TSPAN5: variants seen among roughly 807,000 people sequenced by gnomAD.
TSPAN5 encodes tetraspanin-5.
In TSPAN5, 10 loss-of-function variants were observed where a neutral mutation model predicts 37.1. The observed-to-expected ratio is 0.27, with a 90% confidence interval of 0.17 to 0.46. The LOEUF (loss-of-function observed/expected upper bound fraction) is 0.46. Ranked by LOEUF, TSPAN5 falls within the 20% of genes least tolerant of loss-of-function variation. TSPAN5 has a pLI of 1.00. For missense variants in TSPAN5, 195 were observed against 326.6 expected (o/e 0.60, Z 3.11); for synonymous variants, 110 against 118.9 (o/e 0.93, Z 0.48).
chr4:98,524,800 T>C (rs1482865524), intron 1 of TSPAN5, among the ~76,000 whole-genome samples: 2 of 152,152 alleles, frequency 1.3e-5, no homozygotes, highest in Admixed American at 6.6e-5. Context: ...TGACTATGAA[T>C]AGATTTACTG....
At chr4:98,510,824 A>T (rs1267158056) in intron 1 of TSPAN5, among the ~76,000 whole-genome samples, 3 of 152,234 alleles carry the variant, frequency 2.0e-5, no homozygotes, top group Admixed American at 6.5e-5. Flanking sequence ...CCTCAACTTG[A>T]TACATACCTT....
At chr4:98,550,645 G>C (rs914413025) in intron 1 of TSPAN5, among the ~76,000 whole-genome samples, 1 of 148,066 alleles carries the variant, frequency 6.8e-6, no homozygotes. Context: ...TTATAAATGG[G>C]GTTGACTTTT....
intron 1 of TSPAN5, among the ~76,000 whole-genome samples, chr4:98,634,529 G>A (rs1192124414): frequency 6.6e-6 from 1 of 152,116 alleles, no homozygotes; most frequent in Non-Finnish European, 1.5e-5. Flanking sequence ...ATCAAATGTG[G>A]TTTACTTTGC....
chr4:98,657,499 TC>T (rs1257159536), intron 1 of TSPAN5: 1 of 152,818 alleles, frequency 6.5e-6, no homozygotes, highest in Non-Finnish European at 1.5e-5. Flanking sequence ...TACAAATAAA[TC>T]CCTCTACCCC....
intron 1 of TSPAN5, among the ~76,000 whole-genome samples, chr4:98,553,953 G>A (rs1056290896): frequency 1.3e-5 from 2 of 152,082 alleles, no homozygotes; most frequent in Admixed American, 1.3e-4. Flanking sequence ...TGTAATCCCA[G>A]CTACTCAGGA....
chr4:98,539,971 C>A (rs563118608), intron 1 of TSPAN5, among the ~76,000 whole-genome samples: 153 of 152,230 alleles, frequency 1.0e-3, no homozygotes, highest in African/African-American at 2.8e-3. Context: ...AAGTCTCCTG[C>A]CAACACTCAC....
intron 1 of TSPAN5, among the ~76,000 whole-genome samples, chr4:98,644,741 T>C (rs1404897326): frequency 2.0e-5 from 3 of 152,182 alleles, no homozygotes; most frequent in Non-Finnish European, 4.4e-5. Context: ...ATACAGTTCC[T>C]AAGCATTTAA....
chr4:98,508,048 T>A (rs1007795111), intron 1 of TSPAN5, among the ~76,000 whole-genome samples: 1 of 152,110 alleles, frequency 6.6e-6, no homozygotes, highest in East Asian at 1.9e-4. Flanking sequence ...GGAAACGGAT[T>A]CCCCATGGAT....
intron 5 of TSPAN5, among the ~76,000 whole-genome samples, chr4:98,477,557 G>A (rs149525476): frequency 8.5e-5 from 13 of 152,266 alleles, no homozygotes; most frequent in African/African-American, 2.9e-4. Context: ...GAGACTGCAG[G>A]GCCAGAGAAC....
chr4:98,491,355 A>G (rs55924032), intron 2 of TSPAN5, among the ~76,000 whole-genome samples: 43,550 of 151,854 alleles, frequency 0.29, 6,275 homozygotes, highest in East Asian at 0.38. Flanking sequence ...CTAGCAGGAG[A>G]AAAAAAACAG....
At chr4:98,623,200 G>C (rs1275827109) in intron 1 of TSPAN5, among the ~76,000 whole-genome samples, 3 of 152,094 alleles carry the variant, frequency 2.0e-5, no homozygotes, top group Admixed American at 6.5e-5. Flanking sequence ...TTTCAGACTG[G>C]ACATCAAACC....
At chr4:98,648,203 G>A (rs1044961405) in intron 1 of TSPAN5, among the ~76,000 whole-genome samples, 20 of 152,194 alleles carry the variant, frequency 1.3e-4, no homozygotes, top group African/African-American at 4.6e-4. Context: ...CATTACAGCA[G>A]AGGGAATTCA....
chr4:98,636,852 T>C (rs1419991065), intron 1 of TSPAN5, among the ~76,000 whole-genome samples: 1 of 152,238 alleles, frequency 6.6e-6, no homozygotes, highest in Non-Finnish European at 1.5e-5. Context: ...AATGGTTTAC[T>C]TGGCTTCACA....
At chr4:98,539,167 T>C (rs1209994077) in intron 1 of TSPAN5, among the ~76,000 whole-genome samples, 1 of 152,070 alleles carries the variant, frequency 6.6e-6, no homozygotes, top group Non-Finnish European at 1.5e-5. Flanking sequence ...CCAAAAAACC[T>C]TTTATGTTAC....
chr4:98,479,369 T>C (rs1418429940), intron 4 of TSPAN5, among the ~76,000 whole-genome samples: 1 of 152,156 alleles, frequency 6.6e-6, no homozygotes, highest in Non-Finnish European at 1.5e-5. Context: ...AAATACAAAA[T>C]TGCATGCAGG....
Position 98,476,208 on chromosome 4 carries a change from A to G in TSPAN5, c.722T>C (p.Ile241Thr). The G allele has an allele frequency of 1.2e-6, 2 of 1,614,112 alleles. No individual in the cohort carries two copies. The highest frequency in any genetic ancestry group is 8.5e-7 in the Non-Finnish European group (1 of 1,179,932). Residue 241 changes from isoleucine (I) to threonine (T), a missense_variant, in exon 7 of 8, where the codon ATA becomes ACA. By Grantham distance (89) the Ile-to-Thr change is moderately conservative (BLOSUM62 -1). Coordinates refer to ENST00000305798, the MANE Select transcript of TSPAN5 (RefSeq NM_005723.4). Reference sequence around the variant, plus strand: ...TCTTACCTGCAGCAATGCAATGCCTATGAAAATACCAGCAACGATGGTTAA... The same window carrying G: ...TCTTACCTGCAGCAATGCAATGCCTGTGAAAATACCAGCAACGATGGTTAA... ...DNLTIVAGIF[I>T]GIALLQIFGI... is the part of the protein sequence containing the mutation.
chr4:98,644,784 C>A (rs1198680585), intron 1 of TSPAN5, among the ~76,000 whole-genome samples: 2 of 152,144 alleles, frequency 1.3e-5, no homozygotes, highest in Non-Finnish European at 2.9e-5. Flanking sequence ...GATACAATTT[C>A]CCAAAGCATT....
At chr4:98,628,385 G>A (rs1372233318) in intron 1 of TSPAN5, among the ~76,000 whole-genome samples, 2 of 152,108 alleles carry the variant, frequency 1.3e-5, no homozygotes, top group Admixed American at 1.3e-4. Flanking sequence ...ATGACAACAG[G>A]AGCATCTATA....
chr4:98,588,902 A>G (rs1755557953), intron 1 of TSPAN5, among the ~76,000 whole-genome samples: 1 of 152,158 alleles, frequency 6.6e-6, no homozygotes, highest in South Asian at 2.1e-4. Flanking sequence ...ATAACATATC[A>G]TTTTATCCTT....
Sources: allele counts gnomAD v4.1 joint callset (sites outside exome capture counted in the v4.1 genomes callset), GRCh38; gene constraint gnomAD v4.1.1; transcripts MANE v1.5; gene names NCBI Gene and HGNC (gene_info 2026-07-23, HGNC 2026-07-21).